Variants in UROC1 observed in about 807,000 individuals in gnomAD.
UROC1 encodes the protein urocanate hydratase.
In UROC1, 79 loss-of-function variants were observed where a neutral mutation model predicts 89.5. The observed-to-expected ratio is 0.88, with a 90% CI of 0.74 to 1.06. UROC1 has a LOEUF of 1.06. Among genes scored for constraint, UROC1 ranks in the 50% least tolerant of loss-of-function variants. UROC1 has a pLI of 0.00. For missense variants in UROC1, 885 were observed against 907.8 expected (o/e 0.97, Z 0.32); for synonymous variants, 361 against 354.8 (o/e 1.02, Z -0.20).
intron 1 of UROC1, among the ~76,000 whole-genome samples, chr3:126,511,405 C>T (rs530344859): frequency 1.2e-4 from 19 of 152,324 alleles, no homozygotes; most frequent in African/African-American, 4.6e-4. Context: ...TACTGCTGCA[C>T]CTCCTAAACT....
chr3:126,502,796 C>G (rs185098915), intron 9 of UROC1, among the ~76,000 whole-genome samples: 3,455 of 149,084 alleles, frequency 0.023, 44 homozygotes, highest in African/African-American at 0.027. Context: ...CATGTGTGTG[C>G]TGTGTTCTCT....
chr3:126,500,278 C>A (rs1935887225), intron 11 of UROC1, 124 bp from the exon 12 acceptor site: 2 of 917,748 alleles, frequency 2.2e-6, no homozygotes, highest in Non-Finnish European at 3.4e-6. Context: ...ACTGCTCCTG[C>A]TCCTCGGGTC....
At chr3:126,510,533 G>C (rs1464999146) in intron 2 of UROC1, 131 bp downstream of exon 2, 1 of 1,435,868 alleles carries the variant, frequency 7.0e-7, no homozygotes, top group African/African-American at 1.4e-5. Context: ...TCCCTCCCCT[G>C]CCTCCTGGTC....
intron 8 of UROC1, among the ~76,000 whole-genome samples, chr3:126,504,579 T>G (rs752867385): frequency 6.6e-6 from 1 of 152,202 alleles, no homozygotes; most frequent in Non-Finnish European, 1.5e-5. Flanking sequence ...ATTAACATCA[T>G]TGAGCTGCCA....
At chr3:126,511,528 T>A (rs1368843712) in intron 1 of UROC1, among the ~76,000 whole-genome samples, 1 of 152,250 alleles carries the variant, frequency 6.6e-6, no homozygotes, top group Middle Eastern at 3.2e-3. Flanking sequence ...TTTACTCACG[T>A]GCTAGACAAG....
At chr3:126,485,310 G>A (rs1281493608) in intron 18 of UROC1, among the ~76,000 whole-genome samples, 1 of 152,074 alleles carries the variant, frequency 6.6e-6, no homozygotes, top group Non-Finnish European at 1.5e-5. Flanking sequence ...TTTTCTCATT[G>A]AGAAACAAAG....
chr3:126,487,207 G>T (rs1170514523), intron 18 of UROC1, among the ~76,000 whole-genome samples: 2 of 152,176 alleles, frequency 1.3e-5, no homozygotes. Context: ...GGGGAACCTG[G>T]GGTCAGACCG....
chr3:126,485,056 G>A (rs1353796113), intron 18 of UROC1, among the ~76,000 whole-genome samples: 1 of 152,214 alleles, frequency 6.6e-6, no homozygotes, highest in African/African-American at 2.4e-5. Context: ...CTAACACATT[G>A]CTATTAATGG....
In UROC1 at chr3:126,500,140, A is replaced by T; in HGVS notation, c.1160T>A (p.Val387Asp). 6.2e-7 allele frequency: 1 copy of T among 1,613,830 alleles called. No homozygotes were observed. Among genetic ancestry groups the T allele is most frequent in the Non-Finnish European group, 8.5e-7 (1 of 1,179,988 alleles). The change falls in exon 12 of 20, where the codon GTC becomes GAC. Residue 387 changes from valine to aspartate, a missense_variant. Physicochemically the swap from Val to Asp is radical, Grantham distance 152. Transcript: ENST00000290868. The part of the protein sequence containing the change: ...DLVQESLRRQ[V>D]SAINRLAEEK... ...CTCGGCCAACCTGTTGATGGCTGAG[A>T]CTTGCCTCCTCAGGCTGCAACAAGC...
intron 19 of UROC1, among the ~76,000 whole-genome samples, chr3:126,483,034 G>A (rs1451025835): frequency 2.0e-5 from 3 of 152,110 alleles, no homozygotes; most frequent in East Asian, 1.9e-4. Context: ...TGCAGCTCCC[G>A]GTGAGATGGG....
At chr3:126,510,570 G>GCCGACT (rs1178289737) in intron 2 of UROC1, 94 bp downstream of exon 2, 1 of 1,559,630 alleles carries the variant, frequency 6.4e-7, no homozygotes, top group Non-Finnish European at 8.7e-7. Flanking sequence ...CCCCCTCACT[G>GCCGACT]CCGACTCCCT....
At chr3:126,494,736 G>T (rs540363489) in intron 15 of UROC1, among the ~76,000 whole-genome samples, 14 of 152,258 alleles carry the variant, frequency 9.2e-5, no homozygotes, top group Non-Finnish European at 1.8e-4. Flanking sequence ...CCTCTGCCTC[G>T]ATTGTCACAT....
At chr3:126,489,609 G>C (rs1419244989) in intron 16 of UROC1, among the ~76,000 whole-genome samples, 1 of 152,198 alleles carries the variant, frequency 6.6e-6, no homozygotes, top group Non-Finnish European at 1.5e-5. Flanking sequence ...CAGCCACCCT[G>C]TTCAGATAGG....
rs773884176 is a variant in UROC1 at position 126,496,074 on chromosome 3, G to A, written c.1473C>T (p.Asn491=). The change falls in exon 15 of 20, where the codon AAC becomes AAT. Residue 491 remains asparagine (N), a synonymous_variant. Coordinates refer to ENST00000290868, the MANE Select transcript of UROC1 (RefSeq NM_144639.3). ...KVSVKLQYMD[N]IRWIREAARH... Reference sequence around the variant, plus strand: ...TGGCGGCCTCCCGGATCCAGCGGATGTTGTCCATGTACTGCAGCTTCACAG... The same window carrying A: ...TGGCGGCCTCCCGGATCCAGCGGATATTGTCCATGTACTGCAGCTTCACAG... 6.2e-7 allele frequency: 1 copy of A among 1,613,472 alleles called. No homozygotes were observed. The highest frequency in any genetic ancestry group is 8.5e-7 in the Non-Finnish European group (1 of 1,180,010).
intron 9 of UROC1, among the ~76,000 whole-genome samples, chr3:126,502,612 ATGTG>A (rs980316308): frequency 6.9e-6 from 1 of 145,600 alleles, no homozygotes; most frequent in Non-Finnish European, 1.5e-5. Context: ...GTCTGTATTT[ATGTG>A]TATGTGTGTG....
At chr3:126,498,224 G>A in intron 13 of UROC1, 52 bp from the exon 14 acceptor site, 2 of 1,612,938 alleles carry the variant, frequency 1.2e-6, no homozygotes, top group Non-Finnish European at 1.7e-6. Flanking sequence ...GTTGGGGGAG[G>A]GGGTGCAGGT....
intron 19 of UROC1, 51 bp downstream of exon 19, chr3:126,483,318 C>G (rs1304331556): frequency 5.8e-6 from 9 of 1,548,720 alleles, no homozygotes; most frequent in Non-Finnish European, 1.8e-6. Flanking sequence ...ATGGGGATCA[C>G]CCAGCTGAAG....
chr3:126,482,622 C>T, intron 19 of UROC1, 137 bp from the exon 20 acceptor site: 1 of 1,319,754 alleles, frequency 7.6e-7, no homozygotes. Flanking sequence ...TTTGTGTCTG[C>T]CCCATTTCCA....
At chr3:126,487,036 G>A (rs1368128351) in intron 18 of UROC1, among the ~76,000 whole-genome samples, 1 of 152,214 alleles carries the variant, frequency 6.6e-6, no homozygotes, top group Non-Finnish European at 1.5e-5. Flanking sequence ...AAACCTTGGG[G>A]GAGCAACTTA....
Sources: gnomAD v4.1 joint callset for allele counts (sites outside exome capture counted in the v4.1 genomes callset) on GRCh38, gnomAD v4.1.1 for gene constraint, MANE v1.5 for transcripts, NCBI Gene and HGNC (gene_info 2026-07-23, HGNC 2026-07-21) for gene names.